SYNE2: variants seen among roughly 807,000 people sequenced by gnomAD.
The protein encoded by SYNE2 is nesprin-2.
A neutral mutation model predicts 856.3 loss-of-function variants in SYNE2; 431 were observed. That is an observed-to-expected ratio of 0.50 (90% CI 0.47 to 0.55). SYNE2 has a LOEUF of 0.55. Ranked by LOEUF, SYNE2 falls within the 20% of genes least tolerant of loss-of-function variation. SYNE2 has a pLI of 0.00. For synonymous variants in SYNE2, 2,923 were observed against 2,872.3 expected (o/e 1.02, Z -0.56); for missense variants, 8,129 against 8,023.2 (o/e 1.01, Z -0.50).
rs756664213 is a variant in SYNE2 at position 64,141,936 on chromosome 14, T to C, written c.15160-6T>C. On this transcript the variant is annotated splice_region_variant and splice_polypyrimidine_tract_variant and intron_variant, in intron 81 of 115. Coordinates refer to ENST00000555002, the MANE Select transcript of SYNE2 (RefSeq NM_182914.3). ...CAATTAAATGGAAATCATTTTGTTC[T>C]TACAGCTTCAAATGGAGAAATTGCC... The C allele has an allele frequency of 1.2e-6, 2 of 1,613,906 alleles. No homozygotes were observed. The highest frequency in any genetic ancestry group is 2.2e-5 in the East Asian group (1 of 44,838).
intron 2 of SYNE2, among the ~76,000 whole-genome samples, chr14:63,933,993 A>G (rs190412184): frequency 5.3e-5 from 8 of 150,592 alleles, no homozygotes; most frequent in Admixed American, 1.3e-4. Flanking sequence ...AAAGTGTGTC[A>G]GGGGATAAAT....
intron 2 of SYNE2, among the ~76,000 whole-genome samples, chr14:63,934,841 T>C (rs539691385): frequency 6.6e-6 from 1 of 152,264 alleles, no homozygotes; most frequent in South Asian, 2.1e-4. Flanking sequence ...ATCTTTGTTT[T>C]TGTTGTTGTT....
intron 57 of SYNE2, chr14:64,084,184 A>G (rs2153616034): frequency 6.6e-6 from 1 of 152,270 alleles, no homozygotes; most frequent in Non-Finnish European, 1.5e-5. Context: ...TCGACCTCCC[A>G]AAGTGCTGGG....
chr14:64,141,428 G>A lies in SYNE2; in HGVS notation c.15064G>A (p.Asp5022Asn). The A allele has an allele frequency of 6.2e-7, 1 of 1,614,026 alleles. No homozygotes were observed. Among genetic ancestry groups the A allele is most frequent in the Non-Finnish European group, 8.5e-7 (1 of 1,179,962 alleles). ...GNQLLHLKET[D>N]TATLRASLAQ... ...CCAGCTTCTTCACCTGAAAGAAACT[G>A]ATACAGCTACACTGAGAGCTTCTTT... The change falls in exon 81 of 116, where the codon GAT becomes AAT. Residue 5022 changes from aspartate (D) to asparagine (N), a missense_variant. Around this residue, in one of 3 missense-constraint regions of SYNE2, gnomAD observed 5,410 missense variants for 5,284.8 expected, o/e 1.02. Transcript: ENST00000555002.
At chr14:63,836,065 G>A (rs532096502) in intron 1 of SYNE2, among the ~76,000 whole-genome samples, 11 of 151,722 alleles carry the variant, frequency 7.3e-5, no homozygotes, top group African/African-American at 2.4e-4. Context: ...TGACAGGGTC[G>A]CACTGTGTCA....
At chr14:63,933,453 A>C (rs989644308) in intron 2 of SYNE2, among the ~76,000 whole-genome samples, 1 of 152,224 alleles carries the variant, frequency 6.6e-6, no homozygotes, top group Non-Finnish European at 1.5e-5. Context: ...TTGCCCGCTC[A>C]CAAAAGCAGA....
chr14:63,974,945 C>A (rs1421588092), intron 11 of SYNE2, among the ~76,000 whole-genome samples: 1 of 108,852 alleles, frequency 9.2e-6, no homozygotes, highest in Non-Finnish European at 1.9e-5. Flanking sequence ...CTCACTCTGT[C>A]GCCCAGGCTG....
intron 1 of SYNE2, among the ~76,000 whole-genome samples, chr14:63,856,238 C>T (rs967713585): frequency 6.6e-6 from 1 of 152,198 alleles, no homozygotes; most frequent in African/African-American, 2.4e-5. Context: ...ATGGAATCCT[C>T]ATATGTAGCC....
rs369121553 is a variant in SYNE2, at chr14:63,865,082, A to G, written c.-52+11939A>G. On this transcript the variant is annotated intron_variant, in intron 1 of 115. Transcript: ENST00000555002. ...GAGTTTCCTCATCTGTAAAAGTGAA[A>G]CTAAAATCCCACGTACTTATATTAC... Among the ~76,000 whole-genome samples the G allele has an allele frequency of 9.4e-3, 1,326 of 140,998 alleles. 19 individuals carry two copies. The highest frequency in any genetic ancestry group is 0.033 in the African/African-American group (1,252 of 37,456). 92.5% of individuals were successfully genotyped at this position (140,998 alleles called of 152,430 possible). A position where few individuals can be genotyped will look rare whatever the true frequency, so the allele number is the denominator to read the frequency against.
chr14:64,108,498 G>A (rs1306668497), intron 65 of SYNE2, among the ~76,000 whole-genome samples: 2 of 152,128 alleles, frequency 1.3e-5, no homozygotes, highest in African/African-American at 4.8e-5. Flanking sequence ...TGTGGGGGAT[G>A]GGTACTATTT....
chr14:64,141,812 GTT>G, intron 81 of SYNE2, 128 bp from the exon 82 acceptor site: 3 of 1,023,318 alleles, frequency 2.9e-6, no homozygotes, highest in Non-Finnish European at 2.7e-6. Context: ...TGCTGGGTTT[GTT>G]TTTTTTTTGA....
At chr14:64,116,401 A>C (rs2097854139) in intron 66 of SYNE2, among the ~76,000 whole-genome samples, 2 of 152,082 alleles carry the variant, frequency 1.3e-5, no homozygotes, top group Admixed American at 1.3e-4. Context: ...TAAGCTGTTC[A>C]TCTTCTTTGA....
intron 1 of SYNE2, among the ~76,000 whole-genome samples, chr14:63,883,962 T>G (rs2094924775): frequency 6.6e-6 from 1 of 152,110 alleles, no homozygotes; most frequent in Admixed American, 6.6e-5. Flanking sequence ...AAGAAATTTT[T>G]TTTGTTCAGA....
chr14:63,880,053 G>T (rs1410848736), intron 1 of SYNE2, among the ~76,000 whole-genome samples: 1 of 151,988 alleles, frequency 6.6e-6, no homozygotes, highest in Admixed American at 6.6e-5. Context: ...TTGATAGAAG[G>T]GTTGACATTA....
chr14:63,938,423 C>A (rs889216994), intron 2 of SYNE2, among the ~76,000 whole-genome samples: 8 of 152,162 alleles, frequency 5.3e-5, no homozygotes, highest in South Asian at 4.2e-4. Flanking sequence ...CAGAGTGAGA[C>A]CTTGTCTATA....
intron 1 of SYNE2, among the ~76,000 whole-genome samples, chr14:63,815,306 T>A (rs1474148967): frequency 8.0e-6 from 1 of 125,592 alleles, no homozygotes; most frequent in African/African-American, 2.9e-5. Flanking sequence ...CAAGTTCCCA[T>A]ATAGGCCGTC....
In SYNE2 at chr14:64,088,270, C is replaced by T. The variant is rs2097579327; in HGVS notation, c.11670+414C>T. Among the ~76,000 whole-genome samples, 3 of 152,184 alleles carry T rather than the reference C, an allele frequency of 2.0e-5. No individual in the cohort carries two copies. In the South Asian group the frequency reaches 6.2e-4, roughly 32 times the overall value. On this transcript the variant is annotated intron_variant, in intron 58 of 115. Coordinates refer to ENST00000555002, the MANE Select transcript of SYNE2 (RefSeq NM_182914.3). ...TCTGGTAAAATGTCATGTATGTTCT[C>T]ATTTGTGGAATTATATTTTACTTTA... is the stretch of plus-strand genomic sequence containing the variant.
intron 85 of SYNE2, among the ~76,000 whole-genome samples, chr14:64,155,223 A>G (rs74544382): frequency 0.023 from 3,560 of 152,350 alleles, 54 homozygotes; most frequent in African/African-American, 0.04. Context: ...CCAACTGTCC[A>G]TCTACTAATG....
chr14:64,056,514 A>G (rs1182895439), intron 49 of SYNE2, among the ~76,000 whole-genome samples: 2 of 151,092 alleles, frequency 1.3e-5, no homozygotes, highest in East Asian at 3.9e-4. Flanking sequence ...CACACAACAG[A>G]TTGTTTATAA....
Sources: gnomAD v4.1 joint callset for allele counts (sites outside exome capture counted in the v4.1 genomes callset) on GRCh38, gnomAD v4.1.1 for gene constraint, gnomAD v4.1.1 regional missense constraint, MANE v1.5 for transcripts, NCBI Gene and HGNC (gene_info 2026-07-23, HGNC 2026-07-21) for gene names.